Variants in MYO1E observed in about 807,000 individuals in gnomAD.
MYO1E encodes myosin IE.
In MYO1E, 68 loss-of-function variants were observed where a neutral mutation model predicts 151.1. The ratio of observed to expected loss-of-function variants is 0.45; its 90% CI spans 0.37 to 0.55. The LOEUF (loss-of-function observed/expected upper bound fraction) is 0.55. Among genes scored for constraint, MYO1E ranks in the 20% least tolerant of loss-of-function variants. MYO1E has a pLI of 0.00. For synonymous variants in MYO1E, 601 were observed against 501.7 expected (o/e 1.20, Z -2.64); for missense variants, 1,363 against 1,389.3 (o/e 0.98, Z 0.30).
chr15:59,180,875 C>T (rs1271926062), intron 18 of MYO1E, among the ~76,000 whole-genome samples: 3 of 152,198 alleles, frequency 2.0e-5, no homozygotes, highest in African/African-American at 7.2e-5. Context: ...GCTTACATTC[C>T]TTTCATCACA....
At chr15:59,250,307 C>T (rs577630581) in intron 4 of MYO1E, among the ~76,000 whole-genome samples, 2 of 152,256 alleles carry the variant, frequency 1.3e-5, no homozygotes, top group Admixed American at 6.5e-5. Context: ...CACAAGCCTT[C>T]GAGAGCAGCT....
At chr15:59,157,391 T>C (rs2079515110) in intron 25 of MYO1E, among the ~76,000 whole-genome samples, 1 of 152,130 alleles carries the variant, frequency 6.6e-6, no homozygotes, top group Non-Finnish European at 1.5e-5. Flanking sequence ...ACTTACAAAA[T>C]AGTAGCCCCC....
chr15:59,298,903 AT>A (rs1255206277), intron 1 of MYO1E, among the ~76,000 whole-genome samples: 1 of 152,132 alleles, frequency 6.6e-6, no homozygotes, highest in Non-Finnish European at 1.5e-5. Context: ...ACCATTAAAC[AT>A]TTTCTTTTTG....
chr15:59,198,984 G>A (rs1441487629), intron 16 of MYO1E, among the ~76,000 whole-genome samples: 2 of 152,058 alleles, frequency 1.3e-5, no homozygotes, highest in South Asian at 2.1e-4. Flanking sequence ...CTGTTTCTCC[G>A]TAGCATCAAT....
chr15:59,157,697 C>T (rs925515900), intron 25 of MYO1E, among the ~76,000 whole-genome samples: 1 of 152,194 alleles, frequency 6.6e-6, no homozygotes, highest in African/African-American at 2.4e-5. Context: ...TAAGTGAAAG[C>T]GCTTCCTTTA....
chr15:59,260,641 A>T (rs1296462207), intron 3 of MYO1E, among the ~76,000 whole-genome samples: 3 of 152,172 alleles, frequency 2.0e-5, no homozygotes, highest in Admixed American at 6.5e-5. Context: ...ATGGCTATGG[A>T]GCTGATTATG....
Position 59,153,783 on chromosome 15 carries a change from G to A in MYO1E, c.2887C>T (p.Gln963Ter), listed in dbSNP as rs758746078. The change falls in exon 26 of 28, where the codon CAG becomes TAG. Residue 963 changes from glutamine (Q) to a stop codon, truncating the protein, a stop_gained. Coordinates refer to ENST00000288235, the MANE Select transcript of MYO1E (RefSeq NM_004998.4). LOFTEE classifies it high-confidence loss of function. Reference sequence around the variant, plus strand: ...TACTGGTTTCTGATGACTCCGTTCTGATGGTATCCTAGAGAGAGGAACAGA... The same window carrying A: ...TACTGGTTTCTGATGACTCCGTTCTAATGGTATCCTAGAGAGAGGAACAGA... ...RAAPPPPGYH[Q>*]NGVIRNQYVP... 1 of 1,613,098 alleles carries A rather than the reference G, an allele frequency of 6.2e-7. No individual in the cohort carries two copies. The highest frequency in any genetic ancestry group is 1.1e-5 in the South Asian group (1 of 91,032).
intron 19 of MYO1E, among the ~76,000 whole-genome samples, chr15:59,175,256 T>G (rs2079617852): frequency 6.6e-6 from 1 of 152,134 alleles, no homozygotes; most frequent in Admixed American, 6.5e-5. Context: ...TAGGAAACCT[T>G]CTCATTTACC....
intron 1 of MYO1E, among the ~76,000 whole-genome samples, chr15:59,359,344 C>T (rs1461927400): frequency 6.9e-6 from 1 of 145,098 alleles, no homozygotes; most frequent in Admixed American, 7.0e-5. Context: ...TTTTAATTAG[C>T]TAGGCATGGC....
chr15:59,277,563 A>AACAACAACAAC (rs1567000047), intron 1 of MYO1E, among the ~76,000 whole-genome samples: 4 of 130,034 alleles, frequency 3.1e-5, no homozygotes, highest in African/African-American at 1.3e-4. Context: ...AAAAAAAAAA[A>AACAACAACAAC]AAAAAAAAAA....
At chr15:59,289,926 T>C (rs77322993) in intron 1 of MYO1E, among the ~76,000 whole-genome samples, 2,953 of 152,292 alleles carry the variant, frequency 0.019, 98 homozygotes, top group African/African-American at 0.065. Context: ...ATCTGTGAAA[T>C]ATAATATGGC....
At chr15:59,230,649 T>C (rs765480006) in intron 6 of MYO1E, among the ~76,000 whole-genome samples, 1 of 152,128 alleles carries the variant, frequency 6.6e-6, no homozygotes, top group Non-Finnish European at 1.5e-5. Flanking sequence ...AATGAGTAGT[T>C]TGAATAATAT....
intron 1 of MYO1E, among the ~76,000 whole-genome samples, chr15:59,344,946 G>A (rs1182826476): frequency 6.6e-6 from 1 of 152,192 alleles, no homozygotes. Flanking sequence ...CAACTCATCT[G>A]TTTGCATATT....
chr15:59,281,800 C>T (rs1205513788), intron 1 of MYO1E, among the ~76,000 whole-genome samples: 1 of 151,984 alleles, frequency 6.6e-6, no homozygotes, highest in Non-Finnish European at 1.5e-5. Flanking sequence ...AAAATAGCTA[C>T]GAAGACAAAT....
At chr15:59,334,186 C>A (rs1311115929) in intron 1 of MYO1E, among the ~76,000 whole-genome samples, 1 of 152,138 alleles carries the variant, frequency 6.6e-6, no homozygotes, top group Non-Finnish European at 1.5e-5. Context: ...GAAGCTGAAG[C>A]AGGAGGGTCA....
At chr15:59,230,070 A>ACCAG (rs2080017193) in intron 6 of MYO1E, among the ~76,000 whole-genome samples, 1 of 152,210 alleles carries the variant, frequency 6.6e-6, no homozygotes, top group Non-Finnish European at 1.5e-5. Context: ...TCCTGGAAGA[A>ACCAG]TGTGTCAGTT....
chr15:59,250,484 T>C (rs1381697839), intron 4 of MYO1E, among the ~76,000 whole-genome samples: 1 of 152,174 alleles, frequency 6.6e-6, no homozygotes, highest in Non-Finnish European at 1.5e-5. Context: ...AAACTCCACC[T>C]CGGGACCCTC....
chr15:59,249,703 G>C (rs1389460881), intron 4 of MYO1E, among the ~76,000 whole-genome samples: 2 of 152,146 alleles, frequency 1.3e-5, no homozygotes, highest in Non-Finnish European at 2.9e-5. Context: ...AAGATTCCTA[G>C]TCTTTCCAGC....
At chr15:59,284,119 GT>G (rs2080373207) in intron 1 of MYO1E, among the ~76,000 whole-genome samples, 1 of 152,220 alleles carries the variant, frequency 6.6e-6, no homozygotes, top group African/African-American at 2.4e-5. Flanking sequence ...CCCCTGCCAT[GT>G]CCCCACCAGG....
Sources: allele counts gnomAD v4.1 joint callset (sites outside exome capture counted in the v4.1 genomes callset), GRCh38; gene constraint gnomAD v4.1.1; transcripts MANE v1.5; gene names NCBI Gene and HGNC (gene_info 2026-07-23, HGNC 2026-07-21).